The following STAT5B variants were observed in gnomAD, a reference collection of about 807,000 sequenced individuals.
The protein encoded by STAT5B is transcription factor STAT5B.
A neutral mutation model predicts 107.8 loss-of-function variants in STAT5B; 21 were observed. The ratio of observed to expected loss-of-function variants is 0.19; its 90% confidence interval spans 0.14 to 0.28. The LOEUF is 0.28. Ranked by LOEUF, STAT5B falls within the 10% of genes least tolerant of loss-of-function variation. The pLI, the probability that STAT5B is intolerant of heterozygous loss-of-function variation, is 1.00. For missense variants in STAT5B, 565 were observed against 1,008.2 expected, an observed-to-expected ratio of 0.56 and a Z score of 5.95; for synonymous variants, 325 against 401.7, an observed-to-expected ratio of 0.81 and a Z score of 2.28.
intron 7 of STAT5B, 77 bp downstream of exon 7, chr17:42,219,235 C>G (rs2080202011): frequency 6.5e-7 from 1 of 1,535,700 alleles, no homozygotes; most frequent in African/African-American, 1.4e-5. Flanking sequence ...GCTGCAGGAG[C>G]CAGCACAGGA....
At position 42,201,418 on chromosome 17, in the gene STAT5B, G is replaced by A; in HGVS notation, c.*320C>T. On this transcript the variant is annotated 3_prime_UTR_variant, in exon 19 of 19. Transcript: ENST00000293328. ...ACTTCCAGGCTTCACGAAACTCACT[G>A]CCTTTTTGCACAAAGTAAAAACCAC... 3.4e-6 allele frequency: 2 copies of A among 595,356 alleles called. No individual in the cohort carries two copies. The highest frequency in any genetic ancestry group is 4.1e-5 in the South Asian group (2 of 48,820). 36.9% of individuals were successfully genotyped at this position (595,356 alleles called of 1,614,324 possible). A position where few individuals can be genotyped will look rare whatever the true frequency, so the allele number is the denominator to read the frequency against.
intron 1 of STAT5B, among the ~76,000 whole-genome samples, chr17:42,274,285 A>C (rs1426347337): frequency 1.5e-5 from 1 of 66,450 alleles, no homozygotes; most frequent in Non-Finnish European, 2.9e-5. Flanking sequence ...GCTTTACAAA[A>C]AAAAAAAAAA....
chr17:42,251,593 G>A (rs539891085), intron 1 of STAT5B, among the ~76,000 whole-genome samples: 1 of 152,108 alleles, frequency 6.6e-6, no homozygotes, highest in East Asian at 1.9e-4. Flanking sequence ...CTGGATACCT[G>A]TTCACATGAT....
Position 42,211,832 on chromosome 17 carries a change from ACT to A in STAT5B, c.1680+150_1680+151del, listed in dbSNP as rs2144223897. The A allele has an allele frequency of 5.2e-6, 6 of 1,152,830 alleles. No homozygotes were observed. In the East Asian group the frequency reaches 1.3e-4, roughly 25 times the overall value. 71.4% of individuals were successfully genotyped at this position (1,152,830 alleles called of 1,614,324 possible). On this transcript the variant is annotated intron_variant, in intron 13 of 18. Coordinates refer to ENST00000293328, the MANE Select transcript of STAT5B (RefSeq NM_012448.4). ...TAATTTTCTACACGTGACCTGGGTAACTCTCAAGTTGTCCATCTAGTCAGAAG... is the reference window on the plus strand; with the variant it reads ...TAATTTTCTACACGTGACCTGGGTAACTCAAGTTGTCCATCTAGTCAGAAG...
chr17:42,216,176 T>C, intron 11 of STAT5B, 70 bp from the exon 12 acceptor site: 1 of 1,370,068 alleles, frequency 7.3e-7, no homozygotes, highest in Non-Finnish European at 1.0e-6. Context: ...TTTTTTTTTT[T>C]TCTTATTATA....
chr17:42,244,242 C>T (rs1255597506), intron 1 of STAT5B, among the ~76,000 whole-genome samples: 1 of 150,958 alleles, frequency 6.6e-6, no homozygotes, highest in South Asian at 2.1e-4. Flanking sequence ...TGTGTGCCAC[C>T]ATGCCCGGCT....
chr17:42,201,943 GA>G, intron 18 of STAT5B, 79 bp from the exon 19 acceptor site: 7 of 1,375,726 alleles, frequency 5.1e-6, no homozygotes, highest in Non-Finnish European at 1.0e-6. Context: ...GCCACCAGGG[GA>G]GCAGTCTGAG....
chr17:42,202,535 C>T (rs1463937174), intron 17 of STAT5B, 88 bp from the exon 18 acceptor site: 1 of 1,523,516 alleles, frequency 6.6e-7, no homozygotes, highest in Non-Finnish European at 9.0e-7. Context: ...CTTTGTCTTT[C>T]TCAGGGTGTA....
intron 2 of STAT5B, 106 bp downstream of exon 2, chr17:42,231,894 T>A: frequency 5.8e-6 from 9 of 1,542,948 alleles, no homozygotes; most frequent in Non-Finnish European, 8.0e-6. Context: ...CATTTAAAAA[T>A]GTTTAAAAAT....
At chr17:42,204,827 TG>T (rs2080073358) in intron 16 of STAT5B, among the ~76,000 whole-genome samples, 1 of 152,218 alleles carries the variant, frequency 6.6e-6, no homozygotes, top group Non-Finnish European at 1.5e-5. Context: ...TTGCCCAGGC[TG>T]GTCTCAAACT....
chr17:42,225,929 A>G (rs2080269149), intron 3 of STAT5B, among the ~76,000 whole-genome samples: 1 of 152,064 alleles, frequency 6.6e-6, no homozygotes, highest in African/African-American at 2.4e-5. Context: ...CAGGGGGTAC[A>G]TGAATTATTA....
At chr17:42,219,866 T>C (rs767425982) in intron 5 of STAT5B, 24 bp from the exon 6 acceptor site, 2 of 1,613,974 alleles carry the variant, frequency 1.2e-6, no homozygotes, top group African/African-American at 1.3e-5. Flanking sequence ...GAGGAAACCA[T>C]GACCATCACC....
intron 1 of STAT5B, among the ~76,000 whole-genome samples, chr17:42,247,952 TAAA>T (rs199671071): frequency 7.1e-6 from 1 of 141,096 alleles, no homozygotes. Context: ...ACTCATTCTC[TAAA>T]AAAAAAAAAA....
At position 42,201,269 on chromosome 17, in the gene STAT5B, T is replaced by C; in HGVS notation, c.*469A>G. On this transcript the variant is annotated 3_prime_UTR_variant, in exon 19 of 19. Coordinates refer to ENST00000293328, the MANE Select transcript of STAT5B (RefSeq NM_012448.4). Reference sequence around the variant, plus strand: ...AAGCAGAGACAATCACGGTTATATATCAATTGCTTGGCAGACAGAGTGACG... The same window carrying C: ...AAGCAGAGACAATCACGGTTATATACCAATTGCTTGGCAGACAGAGTGACG... 1 of 474,968 alleles carries C rather than the reference T, an allele frequency of 2.1e-6. No homozygotes were observed. The highest frequency in any genetic ancestry group is 3.7e-6 in the Non-Finnish European group (1 of 270,626). The allele number at this position is 474,968 out of a possible 1,614,324, so 29.4% of individuals were successfully genotyped here.
intron 7 of STAT5B, 59 bp from the exon 8 acceptor site, chr17:42,218,937 C>T: frequency 6.2e-7 from 1 of 1,613,330 alleles, no homozygotes; most frequent in African/African-American, 1.3e-5. Context: ...AGACGCCAGG[C>T]CCCAAGACAC....
intron 13 of STAT5B, 50 bp from the exon 14 acceptor site, chr17:42,210,547 A>C (rs2080119932): frequency 1.4e-6 from 2 of 1,457,920 alleles, no homozygotes; most frequent in Non-Finnish European, 1.9e-6. Flanking sequence ...TAACACTTGG[A>C]ATATTATACA....
intron 9 of STAT5B, 22 bp downstream of exon 9, chr17:42,218,129 T>C (rs1337259948): frequency 6.2e-7 from 1 of 1,611,498 alleles, no homozygotes; most frequent in Non-Finnish European, 8.5e-7. Context: ...TAGCAGGGAA[T>C]GAGAGGAAGC....
intron 1 of STAT5B, among the ~76,000 whole-genome samples, chr17:42,247,588 T>C (rs1210043853): frequency 6.6e-6 from 1 of 152,196 alleles, no homozygotes; most frequent in Non-Finnish European, 1.5e-5. Context: ...GGTGTCCTAC[T>C]ACCTGTGTTT....
At chr17:42,241,443 C>T (rs966867870) in intron 1 of STAT5B, among the ~76,000 whole-genome samples, 6 of 150,188 alleles carry the variant, frequency 4.0e-5, no homozygotes, top group Middle Eastern at 6.9e-3. Flanking sequence ...CCTAGTACAG[C>T]AATTTTTTTT....
Sources: gnomAD v4.1 joint callset for allele counts (sites outside exome capture counted in the v4.1 genomes callset) on GRCh38, gnomAD v4.1.1 for gene constraint, MANE v1.5 for transcripts, NCBI Gene and HGNC (gene_info 2026-07-23, HGNC 2026-07-21) for gene names.